The following ANO7 variants were observed in gnomAD, a reference collection of about 807,000 sequenced individuals.
ANO7 encodes the protein anoctamin 7, also known as anoctamin-7.
A neutral mutation model predicts 115.8 loss-of-function variants in ANO7; 114 were observed. That is an observed-to-expected ratio of 0.98 (90% confidence interval 0.85 to 1.15). The LOEUF is 1.15. Ranked by LOEUF, ANO7 falls within the 50% of genes most tolerant of loss-of-function variation. The pLI, the probability that ANO7 is intolerant of heterozygous loss-of-function variation, is 0.00. For missense variants in ANO7, 1,302 were observed against 1,201.2 expected (o/e 1.08, Z -1.24); for synonymous variants, 550 against 498.2 (o/e 1.10, Z -1.38).
intron 15 of ANO7, among the ~76,000 whole-genome samples, chr2:241,211,807 C>T (rs929684697): frequency 9.2e-5 from 14 of 152,186 alleles, no homozygotes; most frequent in African/African-American, 3.1e-4. Flanking sequence ...GCCTTGGCAC[C>T]GAGCCTCTAT....
At position 241,223,615 on chromosome 2, in the gene ANO7, C is replaced by T. The variant is rs761576908; in HGVS notation, c.2413-47C>T. 8.1e-6 allele frequency: 13 copies of T among 1,597,908 alleles called. No homozygotes were observed. The Admixed American group carries it at 1.9e-4, about 24-fold the overall frequency. On this transcript the variant is annotated intron_variant, in intron 22 of 24. Coordinates refer to ENST00000674324, the MANE Select transcript of ANO7 (RefSeq NM_001370694.2). ...CCCGGCCTGCCTGGCCCTGTGAAGGCCACTCTGGGCGTTTGGGTGGGCGTG... is the reference window on the plus strand; with the variant it reads ...CCCGGCCTGCCTGGCCCTGTGAAGGTCACTCTGGGCGTTTGGGTGGGCGTG...
rs6734675 is a variant in ANO7 at position 241,216,946 on chromosome 2, G to A, written c.1972+708G>A. 4.0e-4 allele frequency among the ~76,000 whole-genome samples: 61 copies of A among 152,340 alleles called. 1 individual carries two copies. Among genetic ancestry groups the A allele is most frequent in the African/African-American group, 1.4e-3 (58 of 41,570 alleles). The stretch of plus-strand genomic sequence containing the variant: ...CCTCCCAGGTTCAAGCAATTCTCCT[G>A]CCTCAGCCTCCCGAGTAGCTGGGAT... On this transcript the variant is annotated intron_variant, in intron 19 of 24. Transcript: ENST00000674324.
the ANO7 span, chr2:241,239,472 C>A: frequency 1.4e-6 from 1 of 698,752 alleles, no homozygotes; most frequent in Admixed American, 2.5e-5. The surrounding 1 kb of genome is among the most constrained non-coding windows in gnomAD (Gnocchi z 4.6). Flanking sequence ...CACCAGAAAG[C>A]CCCTTCTGAA....
At chr2:241,229,471 C>G, downstream of ANO7, 5 of 693,712 alleles carry the variant, frequency 7.2e-6, no homozygotes, top group Non-Finnish European at 9.8e-6. Context: ...AGGCTCCCTG[C>G]GGGACCTCGG....
chr2:241,199,243 C>A, intron 4 of ANO7, 73 bp from the exon 5 acceptor site: 1 of 1,306,086 alleles, frequency 7.7e-7, no homozygotes, highest in South Asian at 1.2e-5. Context: ...CCTAAGAGTG[C>A]GAATGGACAC....
At chr2:241,204,718 T>C in intron 9 of ANO7, 147 bp from the exon 10 acceptor site, 1 of 620,162 alleles carries the variant, frequency 1.6e-6, no homozygotes, top group Non-Finnish European at 2.8e-6. Context: ...GGGAGAGCTG[T>C]GTACCTCTTG....
At position 241,203,426 on chromosome 2, in the gene ANO7, A is replaced by G. The variant is rs1292500693; in HGVS notation, c.817A>G (p.Asn273Asp). The change falls in exon 9 of 25, where the codon AAC becomes GAC. Residue 273 changes from asparagine to aspartate, a missense_variant. Physicochemically the swap from Asn to Asp is conservative, Grantham distance 23. Transcript: ENST00000674324. The surrounding 1 kb of genome is among the most constrained non-coding windows in gnomAD (Gnocchi z 4.8). ...GCACTGGGCGCGCTGGGGCAAGTGG[A>G]ACAAGTACCAGCCCCTGGACCACGT... Reference protein sequence around the residue: ...FQHWARWGKWNKYQPLDHVRR... With the variant: ...FQHWARWGKWDKYQPLDHVRR... The G allele has an allele frequency of 2.5e-6, 4 of 1,595,800 alleles. No individual in the cohort carries two copies. The South Asian group carries it at 4.5e-5, about 18-fold the overall frequency.
rs2069134158 is a variant in ANO7 at position 241,225,377 on chromosome 2, A to T, written c.*1224A>T. ...TGTCTTTACTAAAAATGCAAAAATT[A>T]TTCTGGGTGTGGTGGCGGGCATCTG... On this transcript the variant is annotated 3_prime_UTR_variant, in exon 25 of 25. Transcript: ENST00000674324. The T allele has an allele frequency of 1.3e-5, 2 of 151,888 alleles. No individual in the cohort carries two copies. Among genetic ancestry groups the T allele is most frequent in the East Asian group, 1.9e-4 (1 of 5,170 alleles). The allele number at this position is 151,888 out of a possible 1,614,324, so 9.4% of individuals were successfully genotyped here.
Position 241,203,471 on chromosome 2 carries a change from A to C in ANO7, c.862A>C (p.Lys288Gln). 1 of 1,555,004 alleles carries C rather than the reference A, an allele frequency of 6.4e-7. No individual in the cohort carries two copies. The highest frequency in any genetic ancestry group is 1.9e-5 in the Admixed American group (1 of 52,790). ...LDHVRRYFGE[K>Q]VALYFAWLGF... ...CCACGTGCGCAGGTACTTCGGGGAG[A>C]AGGTGGCCCTCTACTTCGCCTGGCT... is the stretch of plus-strand genomic sequence containing the variant. The change falls in exon 9 of 25, where the codon AAG becomes CAG. Residue 288 changes from lysine (K) to glutamine (Q), a missense_variant. Lys to Gln is a moderately conservative substitution (Grantham distance 53). Transcript: ENST00000674324. This position sits in a 1 kb window ranked among gnomAD's most constrained non-coding sequence, Gnocchi z 4.8.
chr2:241,217,537 C>T (rs1574793308), intron 19 of ANO7, 149 bp from the exon 20 acceptor site: 2 of 924,108 alleles, frequency 2.2e-6, no homozygotes, highest in Admixed American at 2.3e-5. Context: ...CTGCGCGGTC[C>T]AGGACGAGGG....
At chr2:241,191,859 T>A (rs1362672879) in intron 3 of ANO7, among the ~76,000 whole-genome samples, 1 of 150,390 alleles carries the variant, frequency 6.6e-6, no homozygotes, top group Admixed American at 6.6e-5. Context: ...ATGGTACAGC[T>A]GCTAAGGAAA....
intron 21 of ANO7, among the ~76,000 whole-genome samples, chr2:241,221,693 T>G (rs2069022072): frequency 6.6e-6 from 1 of 151,976 alleles, no homozygotes; most frequent in African/African-American, 2.4e-5. Flanking sequence ...TTTTTTTCTT[T>G]TGAGATGGAG....
intron 9 of ANO7, among the ~76,000 whole-genome samples, 176 bp from the exon 10 acceptor site, chr2:241,204,689 G>A (rs1056672988): frequency 6.6e-6 from 1 of 152,134 alleles, no homozygotes; most frequent in African/African-American, 2.4e-5. Flanking sequence ...CAGGAGGGTG[G>A]GCCGTGCCAG....
chr2:241,203,533 G>A lies in ANO7; in HGVS notation c.889+35G>A. 7.1e-7 allele frequency: 1 copy of A among 1,400,708 alleles called. No homozygotes were observed. Among genetic ancestry groups the A allele is most frequent in the Non-Finnish European group, 9.4e-7 (1 of 1,063,850 alleles). 86.8% of individuals were successfully genotyped at this position (1,400,708 alleles called of 1,614,324 possible). The stretch of plus-strand genomic sequence containing the variant: ...CCCCGCTGCCCCCCAGACCACCTGG[G>A]CCCCCCCAGCTTGGTGTCAGGTTGT... On this transcript the variant is annotated intron_variant, in intron 9 of 24. Transcript: ENST00000674324. This position sits in a 1 kb window ranked among gnomAD's most constrained non-coding sequence, Gnocchi z 4.8.
chr2:241,218,482 C>G, intron 21 of ANO7, 101 bp downstream of exon 21: 16 of 557,512 alleles, frequency 2.9e-5, no homozygotes, highest in East Asian at 2.7e-4. Flanking sequence ...CCGGGAGGGG[C>G]GGGCGCCGCC....
At chr2:241,223,347 G>A in intron 22 of ANO7, 71 bp downstream of exon 22, 3 of 1,548,878 alleles carry the variant, frequency 1.9e-6, no homozygotes, top group African/African-American at 1.4e-5. Flanking sequence ...CCTAATTCGA[G>A]CACGTGGTGA....
Position 241,217,797 on chromosome 2 carries a change from G to A in ANO7, c.2084G>A (p.Cys695Tyr), listed in dbSNP as rs746159318. 158 of 1,610,424 alleles carry A rather than the reference G, an allele frequency of 9.8e-5. 1 individual carries two copies. In the Admixed American group the frequency reaches 2.5e-3, roughly 26 times the overall value. Residue 695 changes from cysteine (C) to tyrosine (Y), a missense_variant, in exon 20 of 25, where the codon TGC becomes TAC. Physicochemically the swap from Cys to Tyr is radical, Grantham distance 194. Transcript: ENST00000674324. Reference sequence around the variant, plus strand: ...CGCTTGGACGCGCGCAAGTTCGTCTGCGAGTACCGGCGCCCGGTGGCCGAG... The same window carrying A: ...CGCTTGGACGCGCGCAAGTTCGTCTACGAGTACCGGCGCCCGGTGGCCGAG... ...EIRLDARKFV[C>Y]EYRRPVAERA...
At chr2:241,197,456 G>A (rs570659966) in intron 4 of ANO7, among the ~76,000 whole-genome samples, 1 of 152,248 alleles carries the variant, frequency 6.6e-6, no homozygotes, top group Admixed American at 6.5e-5. Context: ...TGCAGTCACG[G>A]CTCTCTGCAG....
chr2:241,191,149 C>A, intron 2 of ANO7, 45 bp from the exon 3 acceptor site: 1 of 1,610,122 alleles, frequency 6.2e-7, no homozygotes, highest in Non-Finnish European at 8.5e-7. Context: ...TTGTCGAGGG[C>A]AGATGCTGAT....
Sources: gnomAD v4.1 joint callset for allele counts (sites outside exome capture counted in the v4.1 genomes callset) on GRCh38, gnomAD v4.1.1 for gene constraint, Gnocchi (gnomAD v3.1) non-coding constraint, MANE v1.5 for transcripts, NCBI Gene and HGNC (gene_info 2026-07-23, HGNC 2026-07-21) for gene names.